Variants in ATP8A2 observed in about 807,000 individuals in gnomAD.
ATP8A2 encodes the protein phospholipid-transporting ATPase IB.
A neutral mutation model predicts 165.6 loss-of-function variants in ATP8A2; 100 were observed. The observed-to-expected ratio is 0.60, with a 90% CI of 0.51 to 0.71. The LOEUF is 0.71. Among genes scored for constraint, ATP8A2 ranks in the 30% least tolerant of loss-of-function variants. The pLI, the probability that ATP8A2 is intolerant of heterozygous loss-of-function variation, is 0.00. For missense variants in ATP8A2, 1,227 were observed against 1,479.5 expected, an observed-to-expected ratio of 0.83 and a Z score of 2.80; for synonymous variants, 543 against 548.8, an observed-to-expected ratio of 0.99 and a Z score of 0.15.
intron 14 of ATP8A2, among the ~76,000 whole-genome samples, 166 bp downstream of exon 14, chr13:25,559,227 A>C (rs903860385): frequency 6.6e-6 from 1 of 152,228 alleles, no homozygotes; most frequent in African/African-American, 2.4e-5. Flanking sequence ...TAAACTCTGA[A>C]CAGTTAAAAC....
At chr13:25,903,604 C>T (rs956187670) in intron 33 of ATP8A2, among the ~76,000 whole-genome samples, 2 of 152,206 alleles carry the variant, frequency 1.3e-5, no homozygotes, top group African/African-American at 4.8e-5. Flanking sequence ...CCACTGCTGT[C>T]CTTGCTCATT....
intron 24 of ATP8A2, among the ~76,000 whole-genome samples, chr13:25,682,995 G>A (rs1039284550): frequency 6.6e-6 from 1 of 152,126 alleles, no homozygotes; most frequent in Admixed American, 6.5e-5. Context: ...TACCATAAAA[G>A]GTTGAAAGCT....
intron 1 of ATP8A2, among the ~76,000 whole-genome samples, chr13:25,387,382 C>T (rs1197790010): frequency 6.6e-6 from 1 of 152,020 alleles, no homozygotes; most frequent in Non-Finnish European, 1.5e-5. Context: ...TTGAGGTGGT[C>T]TCAGTCCTAG....
At chr13:25,437,779 T>G (rs1276434303) in intron 1 of ATP8A2, among the ~76,000 whole-genome samples, 1 of 152,112 alleles carries the variant, frequency 6.6e-6, no homozygotes, top group Non-Finnish European at 1.5e-5. Flanking sequence ...GTCTAAAGAA[T>G]AGGTAGGGAG....
intron 33 of ATP8A2, among the ~76,000 whole-genome samples, chr13:25,872,864 C>A (rs1952714512): frequency 6.6e-6 from 1 of 151,050 alleles, no homozygotes. Flanking sequence ...GAGATGTAGC[C>A]AACATAAAAA....
chr13:25,548,668 C>T (rs907335816), intron 10 of ATP8A2, among the ~76,000 whole-genome samples: 3 of 152,042 alleles, frequency 2.0e-5, no homozygotes, highest in Admixed American at 1.3e-4. Flanking sequence ...TTGGCCTTTA[C>T]TAATGGATTT....
intron 15 of ATP8A2, among the ~76,000 whole-genome samples, chr13:25,561,084 A>C (rs2039137785): frequency 6.6e-6 from 1 of 151,830 alleles, no homozygotes; most frequent in African/African-American, 2.4e-5. Flanking sequence ...GCGGGGTTTC[A>C]CCGTGTTAGC....
chr13:25,540,298 T>C (rs756832842), intron 7 of ATP8A2, 21 bp from the exon 8 acceptor site: 39 of 1,597,990 alleles, frequency 2.4e-5, no homozygotes, highest in Non-Finnish European at 3.3e-5. Flanking sequence ...GAAACTTGGC[T>C]CTTTTTTTCT....
At chr13:25,843,578 G>T (rs1951794278) in intron 30 of ATP8A2, among the ~76,000 whole-genome samples, 1 of 152,122 alleles carries the variant, frequency 6.6e-6, no homozygotes, top group Non-Finnish European at 1.5e-5. Flanking sequence ...TCACCTATGA[G>T]GAATGGGCCC....
rs575827197 is a variant in ATP8A2 at position 25,667,348 on chromosome 13, G to A, written c.2212-31825G>A. 2.0e-5 allele frequency among the ~76,000 whole-genome samples: 3 copies of A among 152,208 alleles called. No individual in the cohort carries two copies. In the East Asian group the frequency reaches 5.8e-4, roughly 29 times the overall value. ...GCCTACTGGAAGGTGTTTGGGTTAC[G>A]GGAGTGGATCCTTCATGAATGTCTT... On this transcript the variant is annotated intron_variant, in intron 24 of 36. Coordinates refer to ENST00000381655, the MANE Select transcript of ATP8A2 (RefSeq NM_016529.6).
At chr13:25,620,861 G>T (rs1015581542) in intron 24 of ATP8A2, among the ~76,000 whole-genome samples, 1 of 152,190 alleles carries the variant, frequency 6.6e-6, no homozygotes, top group African/African-American at 2.4e-5. Context: ...TGAACTAATG[G>T]TGACATTTCA....
chr13:25,690,013 A>T (rs2137857474), intron 24 of ATP8A2, among the ~76,000 whole-genome samples: 1 of 152,342 alleles, frequency 6.6e-6, no homozygotes, highest in Admixed American at 6.5e-5. Flanking sequence ...TTGTTTAGCA[A>T]ATAAAAGGAT....
intron 24 of ATP8A2, among the ~76,000 whole-genome samples, chr13:25,662,773 G>A (rs2042077535): frequency 6.6e-6 from 1 of 152,172 alleles, no homozygotes; most frequent in African/African-American, 2.4e-5. Context: ...GCACCTGAAA[G>A]GTTTAAGGAA....
chr13:25,418,205 G>A (rs926182035), intron 1 of ATP8A2, among the ~76,000 whole-genome samples: 2 of 152,072 alleles, frequency 1.3e-5, no homozygotes, highest in Non-Finnish European at 2.9e-5. Context: ...TGGAATAATG[G>A]GACTCTGTAT....
At chr13:25,971,898 C>G (rs900524900) in intron 35 of ATP8A2, among the ~76,000 whole-genome samples, 10 of 152,136 alleles carry the variant, frequency 6.6e-5, no homozygotes, top group African/African-American at 2.4e-4. Flanking sequence ...CCTTCCTGTG[C>G]CAGCCAAGCC....
chr13:25,680,265 CT>C (rs1299336718), intron 24 of ATP8A2, among the ~76,000 whole-genome samples: 1 of 152,106 alleles, frequency 6.6e-6, no homozygotes, highest in Non-Finnish European at 1.5e-5. Context: ...GATTGATGTT[CT>C]TCTGAAAGAA....
intron 8 of ATP8A2, 40 bp downstream of exon 8, chr13:25,540,428 A>G (rs2038435739): frequency 7.2e-7 from 1 of 1,385,550 alleles, no homozygotes; most frequent in Non-Finnish European, 1.0e-6. Context: ...TATGGTAGAC[A>G]CAACTGCAAA....
chr13:25,925,662 A>G (rs1954582140), intron 33 of ATP8A2, among the ~76,000 whole-genome samples: 1 of 152,216 alleles, frequency 6.6e-6, no homozygotes, highest in Non-Finnish European at 1.5e-5. Flanking sequence ...AACATGTAAA[A>G]TATGTTTCAT....
chr13:25,733,105 G>A (rs536904472), intron 25 of ATP8A2, among the ~76,000 whole-genome samples: 2 of 152,290 alleles, frequency 1.3e-5, no homozygotes, highest in East Asian at 1.9e-4. Flanking sequence ...ACTGTGTGTC[G>A]TGAAGTCATG....
Sources: allele counts gnomAD v4.1 joint callset (sites outside exome capture counted in the v4.1 genomes callset), GRCh38; gene constraint gnomAD v4.1.1; transcripts MANE v1.5; gene names NCBI Gene and HGNC (gene_info 2026-07-23, HGNC 2026-07-21).